Variants in SAG observed in about 807,000 individuals in gnomAD.
SAG encodes the protein S-antigen visual arrestin.
Under a neutral mutation model 55.0 loss-of-function variants are expected in SAG, and 45 were observed. The ratio of observed to expected loss-of-function variants is 0.82; its 90% CI spans 0.64 to 1.05. SAG has a LOEUF of 1.05. SAG is among the 50% of genes least tolerant of loss of function. The pLI, the probability that SAG is intolerant of heterozygous loss-of-function variation, is 0.00. For synonymous variants in SAG, 189 were observed against 197.4 expected (o/e 0.96, Z 0.36); for missense variants, 455 against 512.1 (o/e 0.89, Z 1.08).
chr2:233,313,983 G>A (rs920496475), intron 2 of SAG, among the ~76,000 whole-genome samples: 6 of 151,964 alleles, frequency 3.9e-5, no homozygotes, highest in African/African-American at 1.4e-4. Context: ...ACTCTGGAAG[G>A]CCGAGGTGGG....
chr2:233,342,340 T>G lies in SAG; in HGVS notation c.1102+14T>G. ...CTGAGGACCCAGGTCAGTTATGTCC[T>G]TTTTTAGCTTTCTTTAATTATTTGC... On this transcript the variant is annotated intron_variant, in intron 14 of 15. Transcript: ENST00000409110. 6.3e-7 allele frequency: 1 copy of G among 1,583,288 alleles called. No homozygotes were observed. The highest frequency in any genetic ancestry group is 8.6e-7 in the Non-Finnish European group (1 of 1,159,288).
intron 6 of SAG, among the ~76,000 whole-genome samples, chr2:233,325,407 G>C (rs1700520757): frequency 6.6e-6 from 1 of 151,510 alleles, no homozygotes; most frequent in African/African-American, 2.4e-5. Context: ...GAAAATCTCA[G>C]AGTATGTCAC....
intron 6 of SAG, among the ~76,000 whole-genome samples, chr2:233,323,779 C>T (rs1214456294): frequency 1.3e-5 from 2 of 152,124 alleles, no homozygotes; most frequent in Non-Finnish European, 2.9e-5. Flanking sequence ...AGTTATTAAC[C>T]ATGAACATCC....
At chr2:233,326,752 C>G (rs547176844) in intron 6 of SAG, among the ~76,000 whole-genome samples, 2 of 152,248 alleles carry the variant, frequency 1.3e-5, no homozygotes, top group South Asian at 4.1e-4. Context: ...ACCTCTGGCC[C>G]CTGCTGTAGG....
chr2:233,317,999 A>G (rs1313500671), intron 3 of SAG, among the ~76,000 whole-genome samples: 2 of 152,046 alleles, frequency 1.3e-5, no homozygotes, highest in African/African-American at 2.4e-5. Flanking sequence ...GGGGTGTGGG[A>G]CAGTGTCTCT....
chr2:233,319,359 G>A lies in SAG; in HGVS notation c.181+564G>A, dbSNP rs60188595. On this transcript the variant is annotated intron_variant, in intron 4 of 15. Transcript: ENST00000409110. This position sits in a 1 kb window ranked among gnomAD's most constrained non-coding sequence, Gnocchi z 4.4. ...TTCGATGGTTCTGAACCAGTGTCAC[G>A]GCGCCCTTGAAGATTTCTGGCAGTT... Among the ~76,000 whole-genome samples the A allele has an allele frequency of 0.033, 5,082 of 152,186 alleles. 287 individuals are homozygous for A. Among genetic ancestry groups the A allele is most frequent in the African/African-American group, 0.12 (4,810 of 41,476 alleles).
intron 12 of SAG, 103 bp downstream of exon 12, chr2:233,338,856 C>A: frequency 1.1e-6 from 1 of 945,794 alleles, no homozygotes; most frequent in Non-Finnish European, 1.7e-6. Context: ...AAGGAAAGGC[C>A]CATAGCTTCT....
intron 9 of SAG, among the ~76,000 whole-genome samples, chr2:233,330,899 T>C (rs1203703230): frequency 6.6e-6 from 1 of 152,098 alleles, no homozygotes; most frequent in Non-Finnish European, 1.5e-5. Flanking sequence ...CTGCATGCCT[T>C]GCACAAATTG....
chr2:233,318,230 T>G (rs1700268806), intron 3 of SAG, among the ~76,000 whole-genome samples: 1 of 152,176 alleles, frequency 6.6e-6, no homozygotes, highest in South Asian at 2.1e-4. Flanking sequence ...AGTGGCATGA[T>G]CATGGCTCAC....
Position 233,334,980 on chromosome 2 carries a change from C to T in SAG, c.825C>T (p.Asn275=). The change falls in exon 11 of 16, where the codon AAC becomes AAT. Residue 275 remains asparagine, a synonymous_variant. Coordinates refer to ENST00000409110, the MANE Select transcript of SAG (RefSeq NM_000541.5). ...CCTCTAGAGAAAAAGTGCCACCAAA[C>T]AGCACTTTGACCAAGACGCTGACGC... The part of the protein sequence containing the change: ...MEEAQEKVPP[N]STLTKTLTLL... The T allele has an allele frequency of 1.9e-6, 3 of 1,613,986 alleles. No homozygotes were observed. The highest frequency in any genetic ancestry group is 2.5e-6 in the Non-Finnish European group (3 of 1,179,852).
chr2:233,322,762 C>T (rs1221653639), intron 5 of SAG, among the ~76,000 whole-genome samples, 184 bp from the exon 6 acceptor site: 1 of 152,174 alleles, frequency 6.6e-6, no homozygotes, highest in Non-Finnish European at 1.5e-5. Context: ...TTTATGTGTA[C>T]AGGCAGGAAA....
Position 233,320,769 on chromosome 2 carries a change from G to T in SAG, c.321G>T (p.Leu107=), listed in dbSNP as rs59676190. Residue 107 remains leucine (L), a synonymous_variant, in exon 5 of 16, where the codon CTG becomes CTT. Transcript: ENST00000409110. ...PVGAASTPTK[L]QESLLKKLGS... Reference sequence around the variant, plus strand: ...GGGCCGCGAGCACCCCCACAAAACTGCAAGAGAGCCTGCTTAAAAAGCTGG... The same window carrying T: ...GGGCCGCGAGCACCCCCACAAAACTTCAAGAGAGCCTGCTTAAAAAGCTGG... 6.2e-7 allele frequency: 1 copy of T among 1,606,504 alleles called. No homozygotes were observed. Among genetic ancestry groups the T allele is most frequent in the African/African-American group, 1.3e-5 (1 of 74,646 alleles).
chr2:233,331,753 C>G, intron 10 of SAG, 41 bp downstream of exon 10: 8 of 1,430,120 alleles, frequency 5.6e-6, no homozygotes, highest in Non-Finnish European at 7.9e-6. Context: ...GGCGTCTCAG[C>G]CTTCTGTGTC....
chr2:233,340,521 T>G lies in SAG; in HGVS notation c.1046+43T>G. The G allele has an allele frequency of 6.4e-7, 1 of 1,553,714 alleles. No individual in the cohort carries two copies. The highest frequency in any genetic ancestry group is 8.8e-7 in the Non-Finnish European group (1 of 1,131,456). ...CCTTGTTTGATTGTTTCTCAAGATA[T>G]CAAAGGCAGCAAACTTGGGGCTCCA... On this transcript the variant is annotated intron_variant, in intron 13 of 15. Coordinates refer to ENST00000409110, the MANE Select transcript of SAG (RefSeq NM_000541.5). This position sits in a 1 kb window ranked among gnomAD's most constrained non-coding sequence, Gnocchi z 4.2.
At chr2:233,321,056 G>T (rs1306287920) in intron 5 of SAG, among the ~76,000 whole-genome samples, 2 of 152,040 alleles carry the variant, frequency 1.3e-5, no homozygotes, top group Non-Finnish European at 2.9e-5. Flanking sequence ...TATTTCCCTT[G>T]ACCCGACCCC....
In SAG at chr2:233,346,499, A is replaced by C. The variant is rs35371121; in HGVS notation, c.1112+87A>C. Reference sequence around the variant, plus strand: ...CACAAAACCCTCTTTGAGTCTTTGCACATATCCCAAGCTCTCCTGCCGGCT... The same window carrying C: ...CACAAAACCCTCTTTGAGTCTTTGCCCATATCCCAAGCTCTCCTGCCGGCT... On this transcript the variant is annotated intron_variant, in intron 15 of 15. Transcript: ENST00000409110. The C allele has an allele frequency of 0.15, 219,298 of 1,420,330 alleles. 19,731 individuals carry two copies. Among genetic ancestry groups the C allele is most frequent in the South Asian group, 0.33 (28,861 of 86,782 alleles). The allele number at this position is 1,420,330 out of a possible 1,614,324, so 88.0% of individuals were successfully genotyped here.
chr2:233,323,955 T>A (rs1363672452), intron 6 of SAG, among the ~76,000 whole-genome samples: 3 of 152,012 alleles, frequency 2.0e-5, no homozygotes, highest in Non-Finnish European at 4.4e-5. Context: ...GTGGGATGTG[T>A]GTTGAGGATG....
At chr2:233,337,954 G>A (rs996480141) in intron 11 of SAG, among the ~76,000 whole-genome samples, 5 of 152,234 alleles carry the variant, frequency 3.3e-5, no homozygotes, top group Non-Finnish European at 7.3e-5. Context: ...GTGGGATCTG[G>A]AATGACATTT....
intron 4 of SAG, among the ~76,000 whole-genome samples, chr2:233,320,308 T>C (rs1700339388): frequency 6.6e-6 from 1 of 152,194 alleles, no homozygotes; most frequent in African/African-American, 2.4e-5. Context: ...TCAAAGCCTC[T>C]GAGGCCACAG....
Sources: gnomAD v4.1 joint callset for allele counts (sites outside exome capture counted in the v4.1 genomes callset) on GRCh38, gnomAD v4.1.1 for gene constraint, Gnocchi (gnomAD v3.1) non-coding constraint, MANE v1.5 for transcripts, NCBI Gene and HGNC (gene_info 2026-07-23, HGNC 2026-07-21) for gene names.